Variants in JAK1 observed in about 807,000 individuals in gnomAD.
JAK1 encodes tyrosine-protein kinase JAK1.
A neutral mutation model predicts 136.6 loss-of-function variants in JAK1; 16 were observed. The observed-to-expected ratio is 0.12, with a 90% CI of 0.08 to 0.18. JAK1 has a LOEUF of 0.18. Among genes scored for constraint, JAK1 ranks in the 10% least tolerant of loss-of-function variants. The pLI is 1.00. For missense variants in JAK1, 859 were observed against 1,450.1 expected (o/e 0.59, Z 6.62); for synonymous variants, 492 against 519.5 (o/e 0.95, Z 0.72).
At chr1:64,869,983 C>T (rs756271169) in intron 5 of JAK1, among the ~76,000 whole-genome samples, 17 of 152,114 alleles carry the variant, frequency 1.1e-4, no homozygotes, top group Non-Finnish European at 5.9e-5. Context: ...ATCTACCGTT[C>T]GAGTTTCCCA....
rs373491421 is a variant in JAK1, at chr1:64,837,883, T to C, written c.3140+49A>G. On this transcript the variant is annotated intron_variant, in intron 22 of 24. Coordinates refer to ENST00000342505, the MANE Select transcript of JAK1 (RefSeq NM_002227.4). ...AGCCAGAAAGGGCCTATTAAAACAG[T>C]GTAAACTCTATGAAGCATTGATAAA... 314 of 1,518,108 alleles carry C rather than the reference T, an allele frequency of 2.1e-4. 1 individual carries two copies. Among genetic ancestry groups the C allele is most frequent in the Non-Finnish European group, 2.8e-4 (307 of 1,105,070 alleles). 94.0% of individuals were successfully genotyped at this position (1,518,108 alleles called of 1,614,324 possible). A position where few individuals can be genotyped will look rare whatever the true frequency, so the allele number is the denominator to read the frequency against.
chr1:64,880,489 T>C (rs1049610155), intron 3 of JAK1, among the ~76,000 whole-genome samples: 6 of 152,238 alleles, frequency 3.9e-5, no homozygotes, highest in African/African-American at 1.4e-4. Context: ...ATATCTGAAG[T>C]GTAACTTATT....
chr1:64,913,641 G>GAGGGAGGAAGGAAGGAAGGAAGGA (rs1645325598), intron 1 of JAK1, among the ~76,000 whole-genome samples: 1 of 56,836 alleles, frequency 1.8e-5, no homozygotes, highest in African/African-American at 7.7e-5. Flanking sequence ...GGGAGGAAGG[G>GAGGGAGGAAGGAAGGAAGGAAGGA]AGGAAGGAAG....
At chr1:65,018,030 C>T (rs955848352) in intron 2 of JAK1, among the ~76,000 whole-genome samples, 1 of 151,970 alleles carries the variant, frequency 6.6e-6, no homozygotes, top group Non-Finnish European at 1.5e-5. Context: ...GCGCTGGTCT[C>T]GAACTCCTGA....
chr1:65,046,472 G>A (rs967131340), intron 1 of JAK1, among the ~76,000 whole-genome samples: 6 of 152,112 alleles, frequency 3.9e-5, no homozygotes, highest in East Asian at 1.9e-4. Flanking sequence ...CCTTTATTTC[G>A]TCATTCTTAA....
chr1:64,955,634 C>T (rs936185870), intron 1 of JAK1, among the ~76,000 whole-genome samples: 22 of 152,184 alleles, frequency 1.4e-4, no homozygotes, highest in Admixed American at 4.6e-4. Context: ...GCAATAGGGG[C>T]TTCTAAAGGC....
chr1:64,879,133 C>A lies in JAK1; in HGVS notation c.221G>T (p.Cys74Phe). The A allele has an allele frequency of 6.2e-7, 1 of 1,613,556 alleles. No homozygotes were observed. Among genetic ancestry groups the A allele is most frequent in the Non-Finnish European group, 8.5e-7 (1 of 1,179,802 alleles). ...GTCATACAGGGCAAAGAGGTTGTGACAAAGAGGAGAGATACCTGAGGAAAA... is the reference window on the plus strand; with the variant it reads ...GTCATACAGGGCAAAGAGGTTGTGAAAAAGAGGAGAGATACCTGAGGAAAA... ...AAQACRISPL[C>F]HNLFALYDEN... The change falls in exon 4 of 25, where the codon TGT becomes TTT. Residue 74 changes from cysteine (C) to phenylalanine (F), a missense_variant. By Grantham distance (205) the Cys-to-Phe change is radical. This residue lies in a region of JAK1 where 353 missense variants were observed against 494.0 expected (regional missense o/e 0.71). Coordinates refer to ENST00000342505, the MANE Select transcript of JAK1 (RefSeq NM_002227.4).
chr1:64,853,813 G>A (rs1655751408), intron 11 of JAK1, among the ~76,000 whole-genome samples: 1 of 152,186 alleles, frequency 6.6e-6, no homozygotes, highest in Non-Finnish European at 1.5e-5. Context: ...TCCGTGCTGG[G>A]CACTGTCCTC....
intron 2 of JAK1, among the ~76,000 whole-genome samples, chr1:65,030,536 A>T (rs1569909897): frequency 6.8e-6 from 1 of 146,034 alleles, no homozygotes. Flanking sequence ...CCTCCTGACA[A>T]TTTTTTTTTT....
intron 2 of JAK1, among the ~76,000 whole-genome samples, chr1:65,007,981 G>T (rs1646817818): frequency 6.6e-6 from 1 of 152,208 alleles, no homozygotes; most frequent in South Asian, 2.1e-4. Context: ...CTGACCTCAG[G>T]TGATCCGCCT....
chr1:64,886,785 CACACACAG>C (rs58807867), intron 1 of JAK1, among the ~76,000 whole-genome samples: 2,733 of 115,508 alleles, frequency 0.024, 64 homozygotes, highest in African/African-American at 0.073. Flanking sequence ...CACACACACA[CACACACAG>C]AGCTTTGTAT....
At chr1:65,055,862 A>T (rs923171353) in intron 1 of JAK1, among the ~76,000 whole-genome samples, 7 of 152,142 alleles carry the variant, frequency 4.6e-5, no homozygotes, top group African/African-American at 1.7e-4. Flanking sequence ...GACACCCAAC[A>T]CTCAGTTCTT....
At chr1:65,003,345 A>G (rs991548127) in intron 2 of JAK1, 1 of 152,162 alleles carries the variant, frequency 6.6e-6, no homozygotes, top group South Asian at 2.1e-4. Flanking sequence ...GGTGACTGCA[A>G]TGAAACGCGT....
At chr1:64,867,253 A>G in intron 6 of JAK1, 45 bp from the exon 7 acceptor site, 1 of 1,372,032 alleles carries the variant, frequency 7.3e-7, no homozygotes, top group Non-Finnish European at 9.9e-7. Flanking sequence ...TGTACAGGTT[A>G]GGAGAAAATA....
intron 1 of JAK1, among the ~76,000 whole-genome samples, chr1:64,901,028 G>A (rs936502944): frequency 1.3e-5 from 2 of 152,156 alleles, no homozygotes; most frequent in East Asian, 1.9e-4. Context: ...CTTTGGAGTA[G>A]CACTTACATC....
Position 64,855,588 on chromosome 1 carries a change from C to T in JAK1, c.1569G>A (p.Met523Ile), listed in dbSNP as rs1202224156. The T allele has an allele frequency of 9.9e-6, 16 of 1,614,080 alleles. No homozygotes were observed. Among genetic ancestry groups the T allele is most frequent in the Non-Finnish European group, 1.4e-5 (16 of 1,180,038 alleles). Residue 523 changes from methionine to isoleucine, a missense_variant, in exon 11 of 25, where the codon ATG (methionine) becomes ATA (isoleucine). By Grantham distance (10) the Met-to-Ile change is conservative. This residue lies in a region of JAK1 where 409 missense variants were observed against 753.8 expected (regional missense o/e 0.54). Transcript: ENST00000342505. ...GCAGGATCTGCTTCTTGAGGTGGCT[C>T]ATGAGGTCTCCCAAGCTGGGGAAGC... ...DRSFPSLGDL[M>I]SHLKKQILRT...
At chr1:64,985,005 A>G (rs1646584517) in intron 2 of JAK1, 1 of 867,038 alleles carries the variant, frequency 1.2e-6, no homozygotes, top group Non-Finnish European at 2.0e-6. Flanking sequence ...AATACAGACA[A>G]AGCTTATCCC....
intron 1 of JAK1, among the ~76,000 whole-genome samples, chr1:64,913,422 A>G (rs1312637337): frequency 1.3e-5 from 2 of 152,080 alleles, no homozygotes; most frequent in Non-Finnish European, 2.9e-5. Flanking sequence ...CCATGGCTCA[A>G]TTTCACTCAA....
chr1:64,926,573 C>T (rs1348734074), intron 1 of JAK1, among the ~76,000 whole-genome samples: 1 of 152,090 alleles, frequency 6.6e-6, no homozygotes, highest in African/African-American at 2.4e-5. Flanking sequence ...TGACCACAAC[C>T]ACCACCACCA....
Sources: allele counts gnomAD v4.1 joint callset (sites outside exome capture counted in the v4.1 genomes callset), GRCh38; gene constraint gnomAD v4.1.1; regional missense constraint gnomAD v4.1.1; transcripts MANE v1.5; gene names NCBI Gene and HGNC (gene_info 2026-07-23, HGNC 2026-07-21).